Variants in PRKN observed in about 807,000 individuals in gnomAD.
PRKN encodes the protein parkin RBR E3 ubiquitin protein ligase, also known as E3 ubiquitin-protein ligase parkin.
Under a neutral mutation model 59.5 loss-of-function variants are expected in PRKN, and 56 were observed. The observed-to-expected ratio is 0.94, with a 90% CI of 0.76 to 1.18. PRKN has a LOEUF of 1.18. Ranked by LOEUF, PRKN falls within the 50% of genes most tolerant of loss-of-function variation. The probability of loss-of-function intolerance (pLI) is 0.00; values close to 1 mark genes in which losing one functional copy is unlikely to be tolerated. For synonymous variants in PRKN, 250 were observed against 222.1 expected (o/e 1.13, Z -1.12); for missense variants, 657 against 596.4 (o/e 1.10, Z -1.06).
In PRKN at chr6:161,835,219, C is replaced by T. The variant is rs182338058; in HGVS notation, c.735-49311G>A. Among the ~76,000 whole-genome samples, 110 of 152,140 alleles carry T rather than the reference C, an allele frequency of 7.2e-4. 1 individual carries two copies. In the East Asian group the frequency reaches 0.016, roughly 22 times the overall value. The stretch of plus-strand genomic sequence containing the variant: ...TAGTATTTTCAAATAAATTAAAGAC[C>T]TGGCTTATTTAACCCACAGGATGGG... On this transcript the variant is annotated intron_variant, in intron 6 of 11. Coordinates refer to ENST00000366898, the MANE Select transcript of PRKN (RefSeq NM_004562.3).
chr6:162,521,354 C>T (rs1258590243), intron 1 of PRKN, among the ~76,000 whole-genome samples: 1 of 152,164 alleles, frequency 6.6e-6, no homozygotes, highest in Non-Finnish European at 1.5e-5. Context: ...TCAAATTTAT[C>T]CTTGTAAGTT....
intron 1 of PRKN, among the ~76,000 whole-genome samples, chr6:162,617,939 A>C (rs1395114846): frequency 6.6e-6 from 1 of 152,136 alleles, no homozygotes; most frequent in African/African-American, 2.4e-5. Context: ...CCAGTAACAC[A>C]AGAATAATCA....
At chr6:161,706,607 C>T (rs148215743) in intron 7 of PRKN, among the ~76,000 whole-genome samples, 1 of 149,764 alleles carries the variant, frequency 6.7e-6, no homozygotes, top group African/African-American at 2.5e-5. Flanking sequence ...TTTTTTTTTA[C>T]AGTCTCTCTC....
At chr6:162,024,194 C>CTTTTTTTT (rs111595639) in intron 5 of PRKN, among the ~76,000 whole-genome samples, 17 of 82,064 alleles carry the variant, frequency 2.1e-4, no homozygotes, top group East Asian at 4.3e-4. Flanking sequence ...TCCCCCAACC[C>CTTTTTTTT]TTTTTTTTTT....
At chr6:161,993,888 G>A (rs1781742176) in intron 5 of PRKN, among the ~76,000 whole-genome samples, 1 of 152,162 alleles carries the variant, frequency 6.6e-6, no homozygotes, top group Non-Finnish European at 1.5e-5. Context: ...AAGAGAGCAG[G>A]TGAAGGTGCC....
At chr6:162,036,252 A>G (rs1453621450) in intron 5 of PRKN, among the ~76,000 whole-genome samples, 2 of 151,580 alleles carry the variant, frequency 1.3e-5, no homozygotes, top group African/African-American at 2.4e-5. Flanking sequence ...TGAACCCGGG[A>G]GGCGGAGCTT....
At position 161,545,536 on chromosome 6, in the gene PRKN, T is replaced by G; in HGVS notation, c.1083+3318A>C. The G allele has an allele frequency of 1.1e-6, 1 of 874,500 alleles. No homozygotes were observed. The highest frequency in any genetic ancestry group is 1.4e-5 in the South Asian group (1 of 70,612). 54.2% of individuals were successfully genotyped at this position (874,500 alleles called of 1,614,324 possible). A position where few individuals can be genotyped will look rare whatever the true frequency, so the allele number is the denominator to read the frequency against. On this transcript the variant is annotated intron_variant, in intron 9 of 11. Transcript: ENST00000366898. This position sits in a 1 kb window ranked among gnomAD's most constrained non-coding sequence, Gnocchi z 4.1. ...AATGACATAATCTAACCACAATTTC[T>G]TCCAGACAATGGCTTTCCATTACAC... is the stretch of plus-strand genomic sequence containing the variant.
At chr6:162,440,315 C>A (rs1789993324) in intron 2 of PRKN, among the ~76,000 whole-genome samples, 1 of 152,044 alleles carries the variant, frequency 6.6e-6, no homozygotes, top group Admixed American at 6.6e-5. Context: ...CTTACAAATA[C>A]CCTTTGCCAG....
At position 161,578,565 on chromosome 6, in the gene PRKN, A is replaced by G. The variant is rs1195044169; in HGVS notation, c.872-9149T>C. ...CTATGTCATTGATCTGCTCAACTCC[A>G]ATCAGTTTCCCACTTGAAAGATCTG... On this transcript the variant is annotated intron_variant, in intron 7 of 11. Coordinates refer to ENST00000366898, the MANE Select transcript of PRKN (RefSeq NM_004562.3). The surrounding 1 kb of genome is among the most constrained non-coding windows in gnomAD (Gnocchi z 4.2). Among the ~76,000 whole-genome samples, 1 of 152,102 alleles carries G rather than the reference A, an allele frequency of 6.6e-6. No homozygotes were observed. The highest frequency in any genetic ancestry group is 2.4e-5 in the African/African-American group (1 of 41,408).
intron 1 of PRKN, among the ~76,000 whole-genome samples, chr6:162,682,856 G>A (rs1779823786): frequency 6.6e-6 from 1 of 152,050 alleles, no homozygotes; most frequent in Non-Finnish European, 1.5e-5. Flanking sequence ...CATTATGTAG[G>A]TAATAAGGGT....
chr6:162,347,753 T>G (rs1409558159), intron 2 of PRKN, among the ~76,000 whole-genome samples: 1 of 152,226 alleles, frequency 6.6e-6, no homozygotes, highest in Non-Finnish European at 1.5e-5. Flanking sequence ...AATGATCTAT[T>G]TCTTCTTTTA....
At chr6:162,366,841 G>A (rs1785466197) in intron 2 of PRKN, among the ~76,000 whole-genome samples, 1 of 152,154 alleles carries the variant, frequency 6.6e-6, no homozygotes, top group Non-Finnish European at 1.5e-5. Flanking sequence ...GGAGGTTGCG[G>A]TGACTAGAGA....
At chr6:162,689,921 A>G (rs1295194720) in intron 1 of PRKN, among the ~76,000 whole-genome samples, 1 of 152,238 alleles carries the variant, frequency 6.6e-6, no homozygotes, top group Non-Finnish European at 1.5e-5. Context: ...AAACATGCCT[A>G]TGTGGGGTGA....
chr6:162,690,409 C>T (rs1034886080), intron 1 of PRKN, among the ~76,000 whole-genome samples: 1 of 152,170 alleles, frequency 6.6e-6, no homozygotes, highest in African/African-American at 2.4e-5. Flanking sequence ...GTTTACTGCT[C>T]GCTTCCTCTT....
chr6:161,689,715 A>AT lies in PRKN; in HGVS notation c.871+96056dup, dbSNP rs568895291. ...TGTGAAAGTCATTCTATAAAGAAAA[A>AT]TTTTTTTTTTTGAGACAAGAGTTTT... On this transcript the variant is annotated intron_variant, in intron 7 of 11. Coordinates refer to ENST00000366898, the MANE Select transcript of PRKN (RefSeq NM_004562.3). 1.0e-3 allele frequency among the ~76,000 whole-genome samples: 151 copies of AT among 149,518 alleles called. 1 individual carries two copies. The highest frequency in any genetic ancestry group is 4.0e-3 in the South Asian group (19 of 4,722).
At position 161,502,229 on chromosome 6, in the gene PRKN, T is replaced by TG. The variant is rs1777989883; in HGVS notation, c.1083+46624dup. ...GTCAATTGATTAAGTTTGCACTCTTTGGGAGAGGCACTACTCCTATCCCTA... is the reference window on the plus strand; with the variant it reads ...GTCAATTGATTAAGTTTGCACTCTTTGGGGAGAGGCACTACTCCTATCCCTA... On this transcript the variant is annotated intron_variant, in intron 9 of 11. Coordinates refer to ENST00000366898, the MANE Select transcript of PRKN (RefSeq NM_004562.3). This position sits in a 1 kb window ranked among gnomAD's most constrained non-coding sequence, Gnocchi z 4.0. Among the ~76,000 whole-genome samples the TG allele has an allele frequency of 6.6e-6, 1 of 152,168 alleles. No individual in the cohort carries two copies. The highest frequency in any genetic ancestry group is 6.5e-5 in the Admixed American group (1 of 15,288).
Position 161,807,626 on chromosome 6 carries a change from T to C in PRKN, c.735-21718A>G, listed in dbSNP as rs568667698. Among the ~76,000 whole-genome samples, 7 of 152,266 alleles carry C rather than the reference T, an allele frequency of 4.6e-5. No individual in the cohort carries two copies. The South Asian group carries it at 1.5e-3, about 32-fold the overall frequency. Reference sequence around the variant, plus strand: ...CTGGTGTTGCCAGCAATCTTTCACATTCCTTGTCTTGGAGATGCCTCCCTC... The same window carrying C: ...CTGGTGTTGCCAGCAATCTTTCACACTCCTTGTCTTGGAGATGCCTCCCTC... On this transcript the variant is annotated intron_variant, in intron 6 of 11. Coordinates refer to ENST00000366898, the MANE Select transcript of PRKN (RefSeq NM_004562.3).
intron 1 of PRKN, among the ~76,000 whole-genome samples, chr6:162,688,005 T>C (rs930784602): frequency 1.3e-5 from 2 of 152,194 alleles, no homozygotes; most frequent in South Asian, 2.1e-4. Context: ...ATTCTGACAA[T>C]TGTTGAAGCA....
chr6:162,707,640 T>G (rs2849522), intron 1 of PRKN, among the ~76,000 whole-genome samples: 124,121 of 151,206 alleles, frequency 0.82, 51,200 homozygotes, highest in East Asian at 0.98. Context: ...AGTGGCACGA[T>G]CTCAGTTCAC....
Sources: gnomAD v4.1 joint callset for allele counts (sites outside exome capture counted in the v4.1 genomes callset) on GRCh38, gnomAD v4.1.1 for gene constraint, Gnocchi (gnomAD v3.1) non-coding constraint, MANE v1.5 for transcripts, NCBI Gene and HGNC (gene_info 2026-07-23, HGNC 2026-07-21) for gene names.